The following RGS7 variants were observed in gnomAD, a reference collection of about 807,000 sequenced individuals.
RGS7 encodes the protein regulator of G protein signaling 7, also known as regulator of G-protein signaling 7.
Under a neutral mutation model 81.1 loss-of-function variants are expected in RGS7, and 27 were observed. The ratio of observed to expected loss-of-function variants is 0.33; its 90% CI spans 0.25 to 0.46. The LOEUF is 0.46. RGS7 is among the 20% of genes least tolerant of loss of function. The pLI, the probability that RGS7 is intolerant of heterozygous loss-of-function variation, is 1.00. For synonymous variants in RGS7, 208 were observed against 207.7 expected (o/e 1.00, Z -0.01); for missense variants, 396 against 607.4 (o/e 0.65, Z 3.66).
intron 3 of RGS7, among the ~76,000 whole-genome samples, chr1:241,030,523 C>CACACA (rs1377991473): frequency 6.7e-6 from 1 of 150,252 alleles, no homozygotes; most frequent in African/African-American, 2.5e-5. Flanking sequence ...CACACACACA[C>CACACA]ATCCTTCTTT....
intron 2 of RGS7, among the ~76,000 whole-genome samples, chr1:241,165,572 T>C (rs1274711612): frequency 3.4e-5 from 5 of 145,222 alleles, no homozygotes; most frequent in East Asian, 2.1e-4. Flanking sequence ...TAGGTGGGAA[T>C]TGAACAATGA....
chr1:241,332,907 A>C (rs876437), intron 2 of RGS7, among the ~76,000 whole-genome samples: 43,200 of 152,100 alleles, frequency 0.28, 7,044 homozygotes, highest in African/African-American at 0.44. Context: ...AATGAACAGG[A>C]CCATTTCCCC....
At chr1:241,059,390 T>C (rs1351879798) in intron 3 of RGS7, among the ~76,000 whole-genome samples, 1 of 152,196 alleles carries the variant, frequency 6.6e-6, no homozygotes, top group Non-Finnish European at 1.5e-5. Flanking sequence ...AGTATATATA[T>C]GTAGAGTATA....
chr1:240,974,465 A>G (rs1387319199), intron 4 of RGS7, among the ~76,000 whole-genome samples: 1 of 152,202 alleles, frequency 6.6e-6, no homozygotes, highest in East Asian at 1.9e-4. Flanking sequence ...CCATCAGTCA[A>G]AAAAACAAGT....
chr1:241,275,696 T>C (rs2078158356), intron 2 of RGS7, among the ~76,000 whole-genome samples: 1 of 152,198 alleles, frequency 6.6e-6, no homozygotes, highest in Non-Finnish European at 1.5e-5. Context: ...CAGAGCCCTA[T>C]TTTGAACAAC....
At position 241,155,164 on chromosome 1, in the gene RGS7, T is replaced by G. The variant is rs189668018; in HGVS notation, c.79-56402A>C. On this transcript the variant is annotated intron_variant, in intron 2 of 18. Coordinates refer to ENST00000440928, the MANE Select transcript of RGS7 (RefSeq NM_001364886.1). ...AGTCAGGGTCTCACTGTCTTGCCTA[T>G]GCTGGAGTGCAGTGGCAACCTCTGC... Among the ~76,000 whole-genome samples the G allele has an allele frequency of 2.1e-3, 318 of 152,328 alleles. 1 individual carries two copies. The highest frequency in any genetic ancestry group is 7.4e-3 in the African/African-American group (306 of 41,586).
chr1:240,791,266 A>T (rs1685959491), intron 18 of RGS7, among the ~76,000 whole-genome samples: 1 of 152,192 alleles, frequency 6.6e-6, no homozygotes, highest in South Asian at 2.1e-4. Flanking sequence ...TCCTATTATT[A>T]TTAGGTACTG....
At chr1:240,972,214 T>C (rs951912223) in intron 4 of RGS7, among the ~76,000 whole-genome samples, 4 of 152,102 alleles carry the variant, frequency 2.6e-5, no homozygotes, top group Non-Finnish European at 5.9e-5. Flanking sequence ...AGAATCCAGG[T>C]CTGAAATAGT....
At chr1:240,951,532 C>G (rs1679558476) in intron 4 of RGS7, among the ~76,000 whole-genome samples, 1 of 152,022 alleles carries the variant, frequency 6.6e-6, no homozygotes, top group Non-Finnish European at 1.5e-5. Flanking sequence ...GCAGGCTACA[C>G]AACTCTAAGG....
At chr1:241,221,633 C>T (rs996268055) in intron 2 of RGS7, among the ~76,000 whole-genome samples, 1 of 152,204 alleles carries the variant, frequency 6.6e-6, no homozygotes, top group African/African-American at 2.4e-5. Flanking sequence ...ATGAGATTAA[C>T]ATTCACATCA....
At chr1:240,918,520 G>A (rs541776718) in intron 6 of RGS7, among the ~76,000 whole-genome samples, 1 of 151,990 alleles carries the variant, frequency 6.6e-6, no homozygotes, top group South Asian at 2.1e-4. Context: ...AAGAAGTCTC[G>A]GGAGAAATTT....
At chr1:241,000,602 T>C (rs1446690442) in intron 3 of RGS7, among the ~76,000 whole-genome samples, 1 of 152,140 alleles carries the variant, frequency 6.6e-6, no homozygotes, top group Non-Finnish European at 1.5e-5. Context: ...TGTTAGCCAC[T>C]AGCCATATGT....
chr1:241,259,597 C>T, intron 2 of RGS7, among the ~76,000 whole-genome samples: 1 of 141,180 alleles, frequency 7.1e-6, no homozygotes, highest in Non-Finnish European at 1.5e-5. Flanking sequence ...TTGCGGTGAG[C>T]TGAGATTGCG....
chr1:241,222,130 A>C (rs2075052209), intron 2 of RGS7, among the ~76,000 whole-genome samples: 1 of 152,202 alleles, frequency 6.6e-6, no homozygotes, highest in Non-Finnish European at 1.5e-5. Context: ...ATGGGAAATA[A>C]ACTTTCATTG....
At chr1:240,930,007 A>G (rs1314218457) in intron 6 of RGS7, among the ~76,000 whole-genome samples, 1 of 152,174 alleles carries the variant, frequency 6.6e-6, no homozygotes, top group Non-Finnish European at 1.5e-5. Context: ...CTGGCATAGG[A>G]AGAAAAATAC....
intron 2 of RGS7, among the ~76,000 whole-genome samples, chr1:241,204,324 C>T (rs1490002196): frequency 6.6e-6 from 1 of 152,152 alleles, no homozygotes; most frequent in African/African-American, 2.4e-5. Context: ...CATTTGCTCA[C>T]CAAGTTCTAG....
chr1:241,087,502 T>C (rs900225986), intron 3 of RGS7, among the ~76,000 whole-genome samples: 2 of 152,226 alleles, frequency 1.3e-5, no homozygotes, highest in African/African-American at 4.8e-5. Flanking sequence ...ATGCTCTTTA[T>C]GGTACAGGGG....
At chr1:241,279,340 C>A (rs1014500414) in intron 2 of RGS7, among the ~76,000 whole-genome samples, 9 of 152,056 alleles carry the variant, frequency 5.9e-5, no homozygotes, top group African/African-American at 2.2e-4. Context: ...TTTCTATGTT[C>A]TTTGAGGGAA....
At chr1:241,128,404 TA>T (rs1232924255) in intron 2 of RGS7, among the ~76,000 whole-genome samples, 4 of 151,768 alleles carry the variant, frequency 2.6e-5, no homozygotes, top group South Asian at 2.1e-4. Flanking sequence ...GCCAACATGG[TA>T]AAACCCTGTC....
Sources: gnomAD v4.1 joint callset for allele counts (sites outside exome capture counted in the v4.1 genomes callset) on GRCh38, gnomAD v4.1.1 for gene constraint, MANE v1.5 for transcripts, NCBI Gene and HGNC (gene_info 2026-07-23, HGNC 2026-07-21) for gene names.